Variants in PTPN14 observed in about 807,000 individuals in gnomAD.
The protein encoded by PTPN14 is protein tyrosine phosphatase non-receptor type 14, also known as tyrosine-protein phosphatase non-receptor type 14.
Under a neutral mutation model 126.8 loss-of-function variants are expected in PTPN14, and 53 were observed. That is an observed-to-expected ratio of 0.42 (90% CI 0.34 to 0.53). The LOEUF is 0.53. Among genes scored for constraint, PTPN14 ranks in the 20% least tolerant of loss-of-function variants. The pLI, the probability that PTPN14 is intolerant of heterozygous loss-of-function variation, is 0.08. For missense variants in PTPN14, 1,257 were observed against 1,552.9 expected (o/e 0.81, Z 3.20); for synonymous variants, 630 against 599.3 (o/e 1.05, Z -0.75).
intron 1 of PTPN14, among the ~76,000 whole-genome samples, chr1:214,544,414 G>C (rs1446184496): frequency 6.7e-6 from 1 of 148,984 alleles, no homozygotes; most frequent in Non-Finnish European, 1.5e-5. Flanking sequence ...TTGGTGACAG[G>C]GTAAAACCCT....
intron 1 of PTPN14, among the ~76,000 whole-genome samples, chr1:214,542,421 A>G (rs1023015583): frequency 6.6e-6 from 1 of 152,202 alleles, no homozygotes; most frequent in Admixed American, 6.5e-5. Flanking sequence ...GGGCAGCCTC[A>G]GCCTCACAGG....
At position 214,350,427 on chromosome 1, in the gene PTPN14, A is replaced by C. The variant is rs1657680479; in HGVS notation, c.*7495T>G. 1 of 152,144 alleles carries C rather than the reference A, an allele frequency of 6.6e-6. No individual in the cohort carries two copies. Among genetic ancestry groups the C allele is most frequent in the Admixed American group, 6.5e-5 (1 of 15,272 alleles). The allele number at this position is 152,144 out of a possible 1,614,324, so 9.4% of individuals were successfully genotyped here. Reference sequence around the variant, plus strand: ...AACAGAGCGTCTTTCATTTTTTCTAATAGTGACTGATTCTATCGGCAAGGG... The same window carrying C: ...AACAGAGCGTCTTTCATTTTTTCTACTAGTGACTGATTCTATCGGCAAGGG... On this transcript the variant is annotated 3_prime_UTR_variant, in exon 19 of 19. Coordinates refer to ENST00000366956, the MANE Select transcript of PTPN14 (RefSeq NM_005401.5).
At chr1:214,543,546 C>G (rs1168208469) in intron 1 of PTPN14, among the ~76,000 whole-genome samples, 17 of 152,046 alleles carry the variant, frequency 1.1e-4, no homozygotes, top group Admixed American at 9.2e-4. Flanking sequence ...AATTATTTAT[C>G]AAAGAATAAA....
intron 2 of PTPN14, among the ~76,000 whole-genome samples, chr1:214,453,698 C>A (rs2102637444): frequency 6.6e-6 from 1 of 152,280 alleles, no homozygotes; most frequent in African/African-American, 2.4e-5. Context: ...CCTCATAAAT[C>A]TTTTTCATCA....
intron 4 of PTPN14, among the ~76,000 whole-genome samples, chr1:214,413,616 A>C (rs1659358354): frequency 6.6e-6 from 1 of 152,176 alleles, no homozygotes; most frequent in East Asian, 1.9e-4. Flanking sequence ...CTAAAAGGAA[A>C]AGTTTCTTTT....
At chr1:214,454,358 C>T (rs772571902) in intron 2 of PTPN14, among the ~76,000 whole-genome samples, 12 of 152,168 alleles carry the variant, frequency 7.9e-5, no homozygotes, top group Non-Finnish European at 1.3e-4. Context: ...AAATGTTCTA[C>T]AATCGATTTT....
chr1:214,383,095 C>T lies in PTPN14; in HGVS notation c.2544+216G>A, dbSNP rs1197086123. Among the ~76,000 whole-genome samples the T allele has an allele frequency of 1.3e-5, 2 of 152,222 alleles. No individual in the cohort carries two copies. The highest frequency in any genetic ancestry group is 2.9e-5 in the Non-Finnish European group (2 of 68,044). On this transcript the variant is annotated intron_variant, in intron 13 of 18. Coordinates refer to ENST00000366956, the MANE Select transcript of PTPN14 (RefSeq NM_005401.5). This position sits in a 1 kb window ranked among gnomAD's most constrained non-coding sequence, Gnocchi z 4.4. ...CTGGCTGAGGCACTGGCCTCAATAA[C>T]GTACCAAGTACACCTGTTAGAAGCC... is the stretch of plus-strand genomic sequence containing the variant.
intron 1 of PTPN14, among the ~76,000 whole-genome samples, chr1:214,541,593 G>A (rs1044770013): frequency 6.6e-6 from 1 of 152,126 alleles, no homozygotes; most frequent in African/African-American, 2.4e-5. Flanking sequence ...CAGGCCACAG[G>A]GTTCCAGTGA....
chr1:214,398,004 G>A lies in PTPN14; in HGVS notation c.670-3C>T. 1 of 1,602,128 alleles carries A rather than the reference G, an allele frequency of 6.2e-7. No individual in the cohort carries two copies. The highest frequency in any genetic ancestry group is 8.5e-7 in the Non-Finnish European group (1 of 1,169,968). ...TGTACACAGTTTCCATGATTGTCCT[G>A]GGTAAGACCAACAAAAGATACTTGT... On this transcript the variant is annotated splice_region_variant and splice_polypyrimidine_tract_variant and intron_variant, in intron 7 of 18. Transcript: ENST00000366956.
chr1:214,375,088 T>C (rs1260706374), intron 15 of PTPN14, among the ~76,000 whole-genome samples: 1 of 152,220 alleles, frequency 6.6e-6, no homozygotes, highest in Non-Finnish European at 1.5e-5. Flanking sequence ...ATATGATCTA[T>C]GATAGTTACT....
intron 1 of PTPN14, among the ~76,000 whole-genome samples, chr1:214,549,815 T>C (rs1171247355): frequency 4.6e-5 from 7 of 152,178 alleles, no homozygotes; most frequent in African/African-American, 9.7e-5. Flanking sequence ...TAGGGAGGCC[T>C]TGGCTCCTCG....
chr1:214,369,658 G>A lies in PTPN14; in HGVS notation c.3070C>T (p.Pro1024Ser). Reference sequence around the variant, plus strand: ...GAGCTGTGCTTTGAACCTAGTTTGGGCCAGTATCGGTGGCTTTTGGTTCGT... The same window carrying A: ...GAGCTGTGCTTTGAACCTAGTTTGGACCAGTATCGGTGGCTTTTGGTTCGT... ...GGRTKSHRYW[P>S]KLGSKHSSAT... is the part of the protein sequence containing the mutation. Residue 1024 changes from proline (P) to serine (S), a missense_variant, in exon 17 of 19, where the codon CCC becomes TCC. By Grantham distance (74) the Pro-to-Ser change is moderately conservative. This residue lies in a region of PTPN14 where 171 missense variants were observed against 229.8 expected (regional missense o/e 0.74). Coordinates refer to ENST00000366956, the MANE Select transcript of PTPN14 (RefSeq NM_005401.5). The A allele has an allele frequency of 6.2e-7, 1 of 1,614,166 alleles. No individual in the cohort carries two copies. Among genetic ancestry groups the A allele is most frequent in the Non-Finnish European group, 8.5e-7 (1 of 1,180,036 alleles).
chr1:214,504,766 A>G (rs568421741), intron 1 of PTPN14, among the ~76,000 whole-genome samples: 1 of 152,270 alleles, frequency 6.6e-6, no homozygotes, highest in South Asian at 2.1e-4. Flanking sequence ...GGCTGGGTAC[A>G]GAATGCTGGG....
At position 214,351,290 on chromosome 1, in the gene PTPN14, T is replaced by TAAAAAAAAAA. The variant is rs557321966; in HGVS notation, c.*6622_*6631dup. 3 of 61,722 alleles carry TAAAAAAAAAA rather than the reference T, an allele frequency of 4.9e-5. No homozygotes were observed. The highest frequency in any genetic ancestry group is 1.1e-4 in the African/African-American group (2 of 17,698). 3.8% of individuals were successfully genotyped at this position (61,722 alleles called of 1,614,324 possible). A position where few individuals can be genotyped will look rare whatever the true frequency, so the allele number is the denominator to read the frequency against. On this transcript the variant is annotated 3_prime_UTR_variant, in exon 19 of 19. Transcript: ENST00000366956. ...AGGAGTGAGACACGATCTCAAAAAC[T>TAAAAAAAAAA]AAAAAAAAAAAAAAAAAGAAAAAGA...
At chr1:214,502,055 T>C (rs1654714857) in intron 1 of PTPN14, among the ~76,000 whole-genome samples, 2 of 95,814 alleles carry the variant, frequency 2.1e-5, no homozygotes, top group South Asian at 3.8e-4. Context: ...CAAGGCTCTG[T>C]CTCAAAAAAA....
intron 9 of PTPN14, among the ~76,000 whole-genome samples, chr1:214,394,148 C>T (rs1239390574): frequency 1.3e-5 from 2 of 152,200 alleles, no homozygotes; most frequent in Non-Finnish European, 2.9e-5. Context: ...GATGCCTTGG[C>T]TCTCGAGGAG....
intron 3 of PTPN14, among the ~76,000 whole-genome samples, chr1:214,433,096 G>C (rs946543027): frequency 6.6e-6 from 1 of 151,830 alleles, no homozygotes; most frequent in African/African-American, 2.4e-5. Flanking sequence ...GTAGAGACAG[G>C]GTTTCCCAGT....
chr1:214,497,247 T>C (rs1654548692), intron 1 of PTPN14, among the ~76,000 whole-genome samples: 1 of 151,402 alleles, frequency 6.6e-6, no homozygotes, highest in African/African-American at 2.4e-5. Context: ...ACTAGAAAAA[T>C]GGAAAATTTA....
chr1:214,543,809 G>T (rs1655901773), intron 1 of PTPN14, among the ~76,000 whole-genome samples: 1 of 152,044 alleles, frequency 6.6e-6, no homozygotes, highest in African/African-American at 2.4e-5. Flanking sequence ...AGTAGAGACG[G>T]GGGTTATTAC....
Sources: allele counts gnomAD v4.1 joint callset (sites outside exome capture counted in the v4.1 genomes callset), GRCh38; gene constraint gnomAD v4.1.1; regional missense constraint gnomAD v4.1.1; non-coding constraint Gnocchi (gnomAD v3.1); transcripts MANE v1.5; gene names NCBI Gene and HGNC (gene_info 2026-07-23, HGNC 2026-07-21).